The following PLA2G4F variants were observed in gnomAD, a reference collection of about 807,000 sequenced individuals.
PLA2G4F encodes the protein cytosolic phospholipase A2 zeta.
PLA2G4F carries 105 observed loss-of-function variants against 103.1 expected under a neutral mutation model. The ratio of observed to expected loss-of-function variants is 1.02; its 90% confidence interval spans 0.87 to 1.20. The LOEUF is 1.20. Ranked by LOEUF, PLA2G4F falls within the 50% of genes most tolerant of loss-of-function variation. The pLI, the probability that PLA2G4F is intolerant of heterozygous loss-of-function variation, is 0.00. For missense variants in PLA2G4F, 1,155 were observed against 1,075.9 expected, an observed-to-expected ratio of 1.07 and a Z score of -1.03; for synonymous variants, 468 against 441.1, an observed-to-expected ratio of 1.06 and a Z score of -0.76.
At chr15:42,143,360 G>A (rs915417572) in intron 18 of PLA2G4F, among the ~76,000 whole-genome samples, 1 of 152,094 alleles carries the variant, frequency 6.6e-6, no homozygotes, top group African/African-American at 2.4e-5. Flanking sequence ...AGAAGCTGAT[G>A]TCAGTTTCAC....
At chr15:42,146,587 A>T in intron 13 of PLA2G4F, 1 of 260,714 alleles carries the variant, frequency 3.8e-6, no homozygotes, top group Non-Finnish European at 7.5e-6. Flanking sequence ...GAAAACGTGG[A>T]TTATTTACTT....
chr15:42,155,883 C>T (rs940316375), intron 1 of PLA2G4F, among the ~76,000 whole-genome samples: 1 of 152,152 alleles, frequency 6.6e-6, no homozygotes, highest in Non-Finnish European at 1.5e-5. Flanking sequence ...CAGACGCTCG[C>T]GCCCCCACTC....
rs752282681 is a variant in PLA2G4F at position 42,145,878 on chromosome 15, C to T, written c.1560G>A (p.Glu520=). 1.2e-6 allele frequency: 2 copies of T among 1,614,090 alleles called. No homozygotes were observed. Among genetic ancestry groups the T allele is most frequent in the Non-Finnish European group, 8.5e-7 (1 of 1,180,022 alleles). ...AAGCCCCGTACTTGGGGAAGCCAAC[C>T]TCATAGGGCGTGAACTCGCACCACT... is the stretch of plus-strand genomic sequence containing the variant. ...FAEWCEFTPY[E]VGFPKYGAYV... is the part of the protein sequence containing the mutation. Residue 520 remains glutamate (E), a synonymous_variant, in exon 15 of 20, where the codon GAG becomes GAA. Coordinates refer to ENST00000397272, the MANE Select transcript of PLA2G4F (RefSeq NM_213600.4).
chr15:42,153,776 G>C (rs2048983996), intron 4 of PLA2G4F, 116 bp from the exon 5 acceptor site: 8 of 1,169,812 alleles, frequency 6.8e-6, no homozygotes, highest in Admixed American at 2.1e-5. Context: ...TGGCATTGTG[G>C]CTTGTCATGG....
At position 42,142,638 on chromosome 15, in the gene PLA2G4F, A is replaced by C; in HGVS notation, c.2219T>G (p.Met740Arg). 1 of 1,614,038 alleles carries C rather than the reference A, an allele frequency of 6.2e-7. No homozygotes were observed. Among genetic ancestry groups the C allele is most frequent in the Non-Finnish European group, 8.5e-7 (1 of 1,179,994 alleles). ...CAGATAGCACTCACGGGCCTCCTCCATGTCCTCAGGGCCCACCTCGATGCT... is the reference window on the plus strand; with the variant it reads ...CAGATAGCACTCACGGGCCTCCTCCCTGTCCTCAGGGCCCACCTCGATGCT... ...FPSIEVGPED[M>R]EEARECYLFA... Residue 740 changes from methionine (M) to arginine (R), a missense_variant, in exon 19 of 20, where the codon ATG (methionine) becomes AGG (arginine). Around this residue, in one of 3 missense-constraint regions of PLA2G4F, gnomAD observed 782 missense variants for 692.9 expected, o/e 1.13. Coordinates refer to ENST00000397272, the MANE Select transcript of PLA2G4F (RefSeq NM_213600.4).
intron 19 of PLA2G4F, 59 bp from the exon 20 acceptor site, chr15:42,142,263 A>C: frequency 6.8e-7 from 1 of 1,478,074 alleles, no homozygotes; most frequent in Non-Finnish European, 9.2e-7. Context: ...AACTGGCTGG[A>C]ACAGCCCAGA....
intron 7 of PLA2G4F, 57 bp from the exon 8 acceptor site, chr15:42,150,834 C>T (rs536418850): frequency 2.6e-5 from 41 of 1,562,742 alleles, no homozygotes; most frequent in East Asian, 1.6e-4. Context: ...TGTGTCTCTG[C>T]GGCTTATGCT....
intron 1 of PLA2G4F, 38 bp downstream of exon 1, chr15:42,156,401 C>T (rs1191877822): frequency 2.0e-6 from 3 of 1,523,506 alleles, no homozygotes; most frequent in Middle Eastern, 1.7e-4. Context: ...CCAGGACTCC[C>T]CCAGTCCGGG....
intron 18 of PLA2G4F, among the ~76,000 whole-genome samples, chr15:42,143,176 TAAAAAA>T (rs56171986): frequency 1.8e-4 from 16 of 89,698 alleles, no homozygotes; most frequent in African/African-American, 5.4e-4. Context: ...AGACTCCATC[TAAAAAA>T]AAAAAAAAAA....
At chr15:42,143,383 C>T (rs1286434744) in intron 18 of PLA2G4F, among the ~76,000 whole-genome samples, 4 of 152,064 alleles carry the variant, frequency 2.6e-5, no homozygotes, top group East Asian at 1.9e-4. Context: ...GGTTGACATG[C>T]GACAATCACA....
chr15:42,151,186 C>A, intron 7 of PLA2G4F: 2 of 985,270 alleles, frequency 2.0e-6, no homozygotes, highest in Non-Finnish European at 2.4e-6. Flanking sequence ...AGGTTTGTGG[C>A]CCAAGAGAAA....
In PLA2G4F at chr15:42,142,121, A is replaced by G. The variant is rs200900711; in HGVS notation, c.2413T>C (p.Phe805Leu). Residue 805 changes from phenylalanine to leucine, a missense_variant, in exon 20 of 20, where the codon TTC (phenylalanine) becomes CTC (leucine). By Grantham distance (22) the Phe-to-Leu change is conservative (BLOSUM62 0). This residue lies in a region of PLA2G4F where 782 missense variants were observed against 692.9 expected (regional missense o/e 1.13). Transcript: ENST00000397272. The part of the protein sequence containing the change: ...RPDTPYGMMN[F>L]TYEPQDFYRL... ...TAAAAGTCCTGGGGCTCATAGGTGA[A>G]GTTCATCATGCCATAGGGGGTGTCT... 1.2e-5 allele frequency: 20 copies of G among 1,614,206 alleles called. No individual in the cohort carries two copies. Among genetic ancestry groups the G allele is most frequent in the Middle Eastern group, 3.3e-4 (2 of 6,062 alleles).
In PLA2G4F at chr15:42,147,828, A is replaced by T. The variant is rs539746622; in HGVS notation, c.1060-66T>A. On this transcript the variant is annotated intron_variant, in intron 11 of 19. Transcript: ENST00000397272. ...CCGTCATTGACGTATTACTGCCTAT[A>T]CATGTAGGACATTATTCTAAGAGTC... 21 of 1,583,542 alleles carry T rather than the reference A, an allele frequency of 1.3e-5. No individual in the cohort carries two copies. The Admixed American group carries it at 1.5e-4, about 12-fold the overall frequency.
intron 7 of PLA2G4F, chr15:42,151,347 G>A (rs997313637): frequency 1.0e-6 from 1 of 985,226 alleles, no homozygotes; most frequent in African/African-American, 1.7e-5. Flanking sequence ...GCCCAGACTG[G>A]AAGATGAGGC....
intron 2 of PLA2G4F, among the ~76,000 whole-genome samples, chr15:42,154,974 CAT>C (rs1447042376): frequency 2.6e-5 from 4 of 152,168 alleles, no homozygotes; most frequent in African/African-American, 4.8e-5. Context: ...TGCACGCACA[CAT>C]GTGTAGTACT....
intron 18 of PLA2G4F, 32 bp downstream of exon 18, chr15:42,143,946 G>T: frequency 1.9e-6 from 3 of 1,570,978 alleles, no homozygotes; most frequent in Non-Finnish European, 2.6e-6. Flanking sequence ...ACTCACTGCA[G>T]GTGCTCCCCA....
In PLA2G4F at chr15:42,147,669, G is replaced by A; in HGVS notation, c.1153C>T (p.Leu385=). 3 of 1,614,108 alleles carry A rather than the reference G, an allele frequency of 1.9e-6. No individual in the cohort carries two copies. The highest frequency in any genetic ancestry group is 2.5e-6 in the Non-Finnish European group (3 of 1,180,022). ...SLAGLQELGL[L]DTVTYLSGVS... ...CCACTCAGGTAGGTCACAGTGTCTA[G>A]AAGGCCGAGCTCCTGCAACCCTGCC... is the stretch of plus-strand genomic sequence containing the variant. Residue 385 remains leucine, a synonymous_variant, in exon 12 of 20, where the codon CTA becomes TTA. Coordinates refer to ENST00000397272, the MANE Select transcript of PLA2G4F (RefSeq NM_213600.4).
chr15:42,147,479 G>C, intron 12 of PLA2G4F, 133 bp from the exon 13 acceptor site: 1 of 1,368,502 alleles, frequency 7.3e-7, no homozygotes, highest in Non-Finnish European at 1.0e-6. Flanking sequence ...ACTCAGAGGG[G>C]CGCTTGGGAC....
At chr15:42,143,644 G>A (rs929321505) in intron 18 of PLA2G4F, among the ~76,000 whole-genome samples, 4 of 152,210 alleles carry the variant, frequency 2.6e-5, no homozygotes, top group African/African-American at 9.6e-5. Context: ...GGTCCAAGCT[G>A]GAGTGGGGAA....
Sources: allele counts gnomAD v4.1 joint callset (sites outside exome capture counted in the v4.1 genomes callset), GRCh38; gene constraint gnomAD v4.1.1; regional missense constraint gnomAD v4.1.1; transcripts MANE v1.5; gene names NCBI Gene and HGNC (gene_info 2026-07-23, HGNC 2026-07-21).